RABGEF1: variants seen among roughly 807,000 people sequenced by gnomAD.
RABGEF1 encodes rab5 GDP/GTP exchange factor.
In RABGEF1, 26 loss-of-function variants were observed where a neutral mutation model predicts 57.3. That is an observed-to-expected ratio of 0.45 (90% CI 0.33 to 0.63). RABGEF1 has a LOEUF of 0.63. RABGEF1 is among the 20% of genes least tolerant of loss of function. The pLI is 0.02. For missense variants in RABGEF1, 464 were observed against 607.6 expected, an observed-to-expected ratio of 0.76 and a Z score of 2.48; for synonymous variants, 185 against 210.7, an observed-to-expected ratio of 0.88 and a Z score of 1.06.
In RABGEF1 at chr7:66,705,857, A is replaced by G. The variant is rs957666738; in HGVS notation, c.-872-6310A>G. Among the ~76,000 whole-genome samples the G allele has an allele frequency of 2.1e-5, 3 of 139,590 alleles. No homozygotes were observed. The East Asian group carries it at 6.3e-4, about 29-fold the overall frequency. 91.6% of individuals were successfully genotyped at this position (139,590 alleles called of 152,430 possible). ...CCTGAGTAACTGAGATTATGGGCAC[A>G]CACCACCACACCCAGCTAATTTTTT... On this transcript the variant is annotated intron_variant and NMD_transcript_variant, in intron 1 of 9. Transcript: ENST00000607882.
chr7:66,672,590 A>C, the RABGEF1 span, among the ~76,000 whole-genome samples: 2 of 152,216 alleles, frequency 1.3e-5, no homozygotes, highest in Admixed American at 1.3e-4. Flanking sequence ...AGGATTATAT[A>C]AAGAGCCTTG....
At chr7:66,725,244 C>T (rs1222275090) in intron 2 of RABGEF1, among the ~76,000 whole-genome samples, 2 of 152,178 alleles carry the variant, frequency 1.3e-5, no homozygotes, top group Non-Finnish European at 2.9e-5. Context: ...AACATGTACA[C>T]TTTAATGACC....
At chr7:66,684,575 C>G (rs1053981755) in intron 1 of RABGEF1, among the ~76,000 whole-genome samples, 1 of 152,194 alleles carries the variant, frequency 6.6e-6, no homozygotes, top group Non-Finnish European at 1.5e-5. Flanking sequence ...TTGTCTCAGC[C>G]TCCCAAGTAG....
rs779131949 is a variant in RABGEF1, at chr7:66,809,059, G to A, written c.1251G>A (p.Leu417=). ...AAATGTATAAGAACTTGGATCTCTT[G>A]TCTCAGTTGAATGAACGACAAGAAA... ...VKQMYKNLDL[L]SQLNERQERI... is the part of the protein sequence containing the mutation. The change falls in exon 9 of 9, where the codon TTG becomes TTA. Residue 417 remains leucine, a synonymous_variant. Coordinates refer to ENST00000284957, the MANE Select transcript of RABGEF1 (RefSeq NM_014504.3). 2.5e-6 allele frequency: 4 copies of A among 1,614,126 alleles called. No homozygotes were observed. Among genetic ancestry groups the A allele is most frequent in the Non-Finnish European group, 1.7e-6 (2 of 1,180,036 alleles).
chr7:66,797,236 G>A (rs1786170901), intron 5 of RABGEF1, 138 bp from the exon 6 acceptor site: 1 of 827,532 alleles, frequency 1.2e-6, no homozygotes, highest in Non-Finnish European at 1.8e-6. Context: ...CCCAGGAGGT[G>A]GAGGTTTCAG....
chr7:66,751,644 C>A (rs1304355975), intron 1 of RABGEF1, among the ~76,000 whole-genome samples: 2 of 152,166 alleles, frequency 1.3e-5, no homozygotes, highest in Non-Finnish European at 2.9e-5. Context: ...TTACTCCTAG[C>A]AGGTACCCAC....
At chr7:66,720,484 T>G (rs1410501772) in intron 2 of RABGEF1, among the ~76,000 whole-genome samples, 1 of 150,304 alleles carries the variant, frequency 6.7e-6, no homozygotes, top group African/African-American at 2.4e-5. Flanking sequence ...AGGCACGAGC[T>G]ACTGTGCCCA....
chr7:66,685,092 C>T (rs1414008772), intron 1 of RABGEF1, among the ~76,000 whole-genome samples: 5 of 151,032 alleles, frequency 3.3e-5, no homozygotes, highest in African/African-American at 1.2e-4. Context: ...GTAGCTCTTA[C>T]GTACAGGCTG....
upstream of RABGEF1, among the ~76,000 whole-genome samples, chr7:66,678,618 G>A (rs1307492795): frequency 6.6e-6 from 1 of 151,256 alleles, no homozygotes; most frequent in African/African-American, 2.4e-5. Context: ...GGGAGGGAGA[G>A]GGATGAAGAG....
At chr7:66,695,362 T>A (rs1173813661) in intron 1 of RABGEF1, among the ~76,000 whole-genome samples, 1 of 151,532 alleles carries the variant, frequency 6.6e-6, no homozygotes, top group Non-Finnish European at 1.5e-5. Flanking sequence ...TGAGGGCCAC[T>A]CACATGAAAG....
At chr7:66,801,141 A>G (rs1421884799) in intron 7 of RABGEF1, among the ~76,000 whole-genome samples, 1 of 152,176 alleles carries the variant, frequency 6.6e-6, no homozygotes, top group Non-Finnish European at 1.5e-5. Context: ...GAAGGGGATC[A>G]GAGAGTCCAT....
At chr7:66,728,716 G>GTCCTCACCTCCACCTTCACCTCCA (rs1796904026) in intron 2 of RABGEF1, among the ~76,000 whole-genome samples, 1 of 1,298 alleles carries the variant, frequency 7.7e-4, no homozygotes, top group Admixed American at 8.6e-3. Context: ...TTTCAGCTCT[G>GTCCTCACCTCCACCTTCACCTCCA]TCCTCACCTC....
chr7:66,777,696 G>A (rs1186907770), intron 3 of RABGEF1, among the ~76,000 whole-genome samples: 1 of 152,028 alleles, frequency 6.6e-6, no homozygotes, highest in East Asian at 1.9e-4. Context: ...GGAAGACTAA[G>A]GTAGGAGGAT....
At chr7:66,732,250 G>GCT (rs1279903459) in intron 2 of RABGEF1, among the ~76,000 whole-genome samples, 1 of 152,224 alleles carries the variant, frequency 6.6e-6, no homozygotes, top group Non-Finnish European at 1.5e-5. Flanking sequence ...TAGCCATGGG[G>GCT]CTGAGCAGGC....
chr7:66,743,271 A>G (rs1352591408), intron 1 of RABGEF1, among the ~76,000 whole-genome samples: 1 of 151,124 alleles, frequency 6.6e-6, no homozygotes. Flanking sequence ...GATTGTACCA[A>G]TGCACTCCAG....
intron 1 of RABGEF1, among the ~76,000 whole-genome samples, chr7:66,687,615 G>A (rs905844331): frequency 6.6e-5 from 10 of 152,064 alleles, no homozygotes; most frequent in Non-Finnish European, 4.4e-5. Context: ...GGAGAGATTG[G>A]TAGAATGTAT....
chr7:66,663,206 T>C, the RABGEF1 span, among the ~76,000 whole-genome samples: 1 of 152,252 alleles, frequency 6.6e-6, no homozygotes, highest in Non-Finnish European at 1.5e-5. Context: ...TTTTAGTTAG[T>C]TGAATATCTC....
At chr7:66,665,524 A>G in the RABGEF1 span, among the ~76,000 whole-genome samples, 1 of 152,088 alleles carries the variant, frequency 6.6e-6, no homozygotes, top group East Asian at 1.9e-4. Context: ...GGGGTCAGCA[A>G]GGTTTGGAAA....
intron 1 of RABGEF1, among the ~76,000 whole-genome samples, chr7:66,691,518 C>T (rs1194842894): frequency 2.6e-5 from 4 of 152,100 alleles, no homozygotes; most frequent in Admixed American, 1.3e-4. Context: ...AACATATACA[C>T]ATGGTCTGTG....
Sources: allele counts gnomAD v4.1 joint callset (sites outside exome capture counted in the v4.1 genomes callset), GRCh38; gene constraint gnomAD v4.1.1; transcripts MANE v1.5; gene names NCBI Gene and HGNC (gene_info 2026-07-23, HGNC 2026-07-21).